Variants in RCL1 observed in about 807,000 individuals in gnomAD.
RCL1 encodes RNA terminal phosphate cyclase like 1, also known as RNA 3'-terminal phosphate cyclase-like protein.
In RCL1, 24 loss-of-function variants were observed where a neutral mutation model predicts 42.4. The observed-to-expected ratio is 0.57, with a 90% CI of 0.41 to 0.80. RCL1 has a LOEUF of 0.80. RCL1 is among the 30% of genes least tolerant of loss of function. The pLI, the probability that RCL1 is intolerant of heterozygous loss-of-function variation, is 0.00. For missense variants in RCL1, 578 were observed against 467.9 expected, an observed-to-expected ratio of 1.24 and a Z score of -2.17; for synonymous variants, 228 against 177.3, an observed-to-expected ratio of 1.29 and a Z score of -2.27.
intron 1 of RCL1, among the ~76,000 whole-genome samples, chr9:4,815,836 G>C (rs963513939): frequency 6.6e-6 from 1 of 152,134 alleles, no homozygotes; most frequent in African/African-American, 2.4e-5. Flanking sequence ...GGTGAGGTCT[G>C]TAAGTGTCTA....
intron 2 of RCL1, among the ~76,000 whole-genome samples, chr9:4,826,078 A>AAAAGAAAG (rs199517345): frequency 1.3e-5 from 2 of 151,548 alleles, no homozygotes; most frequent in African/African-American, 4.9e-5. Flanking sequence ...ATAAAGAAAA[A>AAAAGAAAG]AAAGAAAGAA....
At chr9:4,815,968 G>T (rs150559606) in intron 1 of RCL1, among the ~76,000 whole-genome samples, 1,692 of 152,168 alleles carry the variant, frequency 0.011, 30 homozygotes, top group African/African-American at 0.039. Context: ...ATTTCCTTCT[G>T]CTCTCTCTGT....
intron 1 of RCL1, among the ~76,000 whole-genome samples, chr9:4,796,414 T>C (rs1842915060): frequency 6.6e-6 from 1 of 152,082 alleles, no homozygotes. Flanking sequence ...TATTTCATTC[T>C]TTTTTTTGAG....
intron 1 of RCL1, 29 bp from the exon 2 acceptor site, chr9:4,823,519 T>G (rs1185114993): frequency 3.8e-6 from 6 of 1,580,304 alleles, no homozygotes; most frequent in Non-Finnish European, 4.3e-6. Flanking sequence ...CTGTCTTCTC[T>G]TTTCTTCACA....
chr9:4,855,065 A>AC (rs1243748713), intron 8 of RCL1, among the ~76,000 whole-genome samples: 7,350 of 145,892 alleles, frequency 0.05, 658 homozygotes, highest in African/African-American at 0.17. Context: ...AAAAAAAAAA[A>AC]AAAAAAAATA....
chr9:4,847,261 G>C (rs969301739), intron 7 of RCL1, among the ~76,000 whole-genome samples: 1 of 152,074 alleles, frequency 6.6e-6, no homozygotes, highest in Admixed American at 6.5e-5. Context: ...TAGTTATTCA[G>C]AAAACTTCCT....
At position 4,793,230 on chromosome 9, in the gene RCL1, A is replaced by G. The variant is rs1435477281; in HGVS notation, c.136+3A>G. ...AGACGACAACCCGGGCCTCCGAGGT[A>G]ACTTGGTGTGGGCGGCGCGCGGCGT... On this transcript the variant is annotated splice_donor_region_variant and intron_variant, in intron 1 of 8. Transcript: ENST00000381750. 5.0e-6 allele frequency: 8 copies of G among 1,593,148 alleles called. No homozygotes were observed. Among genetic ancestry groups the G allele is most frequent in the Non-Finnish European group, 6.8e-6 (8 of 1,169,882 alleles).
intron 5 of RCL1, 91 bp from the exon 6 acceptor site, chr9:4,841,141 C>A: frequency 7.1e-7 from 1 of 1,412,302 alleles, no homozygotes; most frequent in Non-Finnish European, 1.0e-6. Context: ...CAGTTTGTTA[C>A]TACAGTTCCA....
At chr9:4,847,084 G>T (rs964916983) in intron 7 of RCL1, among the ~76,000 whole-genome samples, 23 of 151,840 alleles carry the variant, frequency 1.5e-4, no homozygotes, top group Non-Finnish European at 5.9e-5. Flanking sequence ...TCTCCATGTT[G>T]GTCAGGCTGG....
intron 8 of RCL1, among the ~76,000 whole-genome samples, chr9:4,855,855 C>A (rs899401158): frequency 1.3e-5 from 2 of 152,140 alleles, no homozygotes; most frequent in African/African-American, 4.8e-5. Flanking sequence ...ACAAATACCC[C>A]AAACTTGCAA....
At chr9:4,827,190 G>A (rs1453367725) in intron 3 of RCL1, 157 bp downstream of exon 3, 1 of 1,543,090 alleles carries the variant, frequency 6.5e-7, no homozygotes, top group Non-Finnish European at 8.7e-7. Context: ...ACTCCAGGAG[G>A]CAGATGAACC....
chr9:4,808,434 A>G (rs1350781957), intron 1 of RCL1, among the ~76,000 whole-genome samples: 1 of 151,840 alleles, frequency 6.6e-6, no homozygotes, highest in Admixed American at 6.6e-5. Flanking sequence ...CAGCCTCCCA[A>G]GTAGCTGGGA....
intron 1 of RCL1, among the ~76,000 whole-genome samples, chr9:4,796,094 A>C (rs899926620): frequency 4.6e-5 from 7 of 152,152 alleles, no homozygotes; most frequent in African/African-American, 1.7e-4. Flanking sequence ...TTTTTAAAGA[A>C]ATTTTATTTT....
rs1818144132 is a variant in RCL1 at position 4,860,697 on chromosome 9, C to G, written c.*422C>G. The G allele has an allele frequency of 6.2e-6, 1 of 162,282 alleles. No homozygotes were observed. The highest frequency in any genetic ancestry group is 2.4e-5 in the African/African-American group (1 of 41,572). The allele number at this position is 162,282 out of a possible 1,614,324, so 10.1% of individuals were successfully genotyped here. A position where few individuals can be genotyped will look rare whatever the true frequency, so the allele number is the denominator to read the frequency against. On this transcript the variant is annotated 3_prime_UTR_variant, in exon 9 of 9. Transcript: ENST00000381750. ...TCTGCAAGGACTCACCTCCTTGAGC[C>G]TTGGTTTTTGTTGTAGGGATTAAAT... is the stretch of plus-strand genomic sequence containing the variant.
At chr9:4,802,214 A>G (rs961355230) in intron 1 of RCL1, among the ~76,000 whole-genome samples, 4 of 151,726 alleles carry the variant, frequency 2.6e-5, no homozygotes. Flanking sequence ...TGTGAGCCAC[A>G]GCTCCTGGCC....
intron 1 of RCL1, among the ~76,000 whole-genome samples, chr9:4,811,046 AT>A (rs1287566432): frequency 6.6e-5 from 10 of 152,286 alleles, no homozygotes; most frequent in African/African-American, 1.9e-4. Context: ...TGCTGAAAAC[AT>A]TCAAAATCTG....
intron 8 of RCL1, 117 bp downstream of exon 8, chr9:4,849,667 T>A: frequency 1.4e-6 from 1 of 705,020 alleles, no homozygotes; most frequent in African/African-American, 1.8e-5. Context: ...CTTGTGTTTA[T>A]CCTCAAATCA....
At chr9:4,807,838 T>G (rs1816036180) in intron 1 of RCL1, among the ~76,000 whole-genome samples, 1 of 152,156 alleles carries the variant, frequency 6.6e-6, no homozygotes, top group Non-Finnish European at 1.5e-5. Context: ...CATTTATAAG[T>G]CTGTTGTTTA....
chr9:4,819,158 C>G (rs1816496990), intron 1 of RCL1, among the ~76,000 whole-genome samples: 1 of 152,148 alleles, frequency 6.6e-6, no homozygotes, highest in Non-Finnish European at 1.5e-5. Flanking sequence ...GGTCCTCAAC[C>G]CCAGACAGGG....
Sources: allele counts gnomAD v4.1 joint callset (sites outside exome capture counted in the v4.1 genomes callset), GRCh38; gene constraint gnomAD v4.1.1; transcripts MANE v1.5; gene names NCBI Gene and HGNC (gene_info 2026-07-23, HGNC 2026-07-21).